The following HPS4 variants were observed in gnomAD, a reference collection of about 807,000 sequenced individuals.
HPS4 encodes HPS4 biogenesis of lysosomal organelles complex 3 subunit 2.
HPS4 carries 44 observed loss-of-function variants against 70.3 expected under a neutral mutation model. The ratio of observed to expected loss-of-function variants is 0.63; its 90% CI spans 0.49 to 0.80. The LOEUF (loss-of-function observed/expected upper bound fraction) is 0.80. HPS4 is among the 30% of genes least tolerant of loss of function. HPS4 has a pLI of 0.00. For missense variants in HPS4, 873 were observed against 884.4 expected (o/e 0.99, Z 0.16); for synonymous variants, 377 against 355.9 (o/e 1.06, Z -0.67).
chr22:26,455,651 G>A (rs192418020), intron 13 of HPS4, among the ~76,000 whole-genome samples: 22 of 150,952 alleles, frequency 1.5e-4, no homozygotes, highest in Admixed American at 1.3e-3. Flanking sequence ...GTTAATGGGT[G>A]CAGCACACCA....
intron 3 of HPS4, among the ~76,000 whole-genome samples, chr22:26,478,729 G>A (rs2090931344): frequency 6.7e-6 from 1 of 148,204 alleles, no homozygotes. Context: ...TTATTGCCCA[G>A]GCTGGTGTGC....
chr22:26,443,269 C>T (rs1003813894), downstream of HPS4: 82 of 1,362,776 alleles, frequency 6.0e-5, no homozygotes, highest in African/African-American at 2.1e-4. Flanking sequence ...GACTGTGGTC[C>T]GGTCCAGTCC....
At chr22:26,466,349 C>A in intron 8 of HPS4, 87 bp from the exon 9 acceptor site, 1 of 1,475,392 alleles carries the variant, frequency 6.8e-7, no homozygotes, top group South Asian at 1.2e-5. Context: ...GCCATCTGTT[C>A]ATAAAACTTA....
downstream of HPS4, among the ~76,000 whole-genome samples, chr22:26,448,177 C>T (rs1243791504): frequency 6.6e-6 from 1 of 152,228 alleles, no homozygotes; most frequent in African/African-American, 2.4e-5. Context: ...CTCCGGCCCC[C>T]AGGTCCTTCT....
intron 1 of HPS4, chr22:26,482,716 T>C (rs2091413452): frequency 6.6e-6 from 1 of 152,134 alleles, no homozygotes; most frequent in African/African-American, 2.4e-5. Context: ...TCGTTTACTC[T>C]ACTCTCCTGC....
intron 3 of HPS4, among the ~76,000 whole-genome samples, chr22:26,477,907 G>T (rs1056626107): frequency 1.3e-5 from 2 of 152,178 alleles, no homozygotes; most frequent in East Asian, 3.8e-4. Flanking sequence ...GAGTGGCTGG[G>T]TGAGGACTGT....
chr22:26,469,283 CAAAA>C (rs5844704), intron 7 of HPS4, among the ~76,000 whole-genome samples: 2 of 105,464 alleles, frequency 1.9e-5, no homozygotes, highest in African/African-American at 3.9e-5. Flanking sequence ...CCCATCTCTA[CAAAA>C]AAAAAAAAAA....
chr22:26,467,926 G>C (rs979334685), intron 8 of HPS4: 9 of 151,942 alleles, frequency 5.9e-5, no homozygotes, highest in African/African-American at 1.2e-4. Flanking sequence ...TTTTGAGACA[G>C]AGTCTCACTC....
At chr22:26,470,879 G>C in intron 6 of HPS4, 66 bp from the exon 7 acceptor site, 4 of 1,600,162 alleles carry the variant, frequency 2.5e-6, no homozygotes, top group Non-Finnish European at 2.6e-6. Context: ...GGAGAAAAGG[G>C]GAAAGGGTTG....
At chr22:26,467,319 G>A (rs2088846270) in intron 8 of HPS4, 1 of 152,292 alleles carries the variant, frequency 6.6e-6, no homozygotes, top group African/African-American at 2.4e-5. Flanking sequence ...CACCTACTTG[G>A]TTCTGCTATT....
rs189699902 is a variant in HPS4, at chr22:26,459,005, C to T, written c.1714-428G>A. ...AACAAGAAAACAACCCATCATTTCA[C>T]CATCCAGTAATAGCCACTGTCACCA... On this transcript the variant is annotated intron_variant, in intron 11 of 13. Transcript: ENST00000398145. Among the ~76,000 whole-genome samples the T allele has an allele frequency of 1.2e-4, 18 of 152,288 alleles. No homozygotes were observed. The East Asian group carries it at 3.3e-3, about 28-fold the overall frequency.
intron 12 of HPS4, 83 bp downstream of exon 12, chr22:26,458,362 A>G: frequency 6.5e-7 from 1 of 1,543,562 alleles, no homozygotes; most frequent in South Asian, 1.1e-5. Flanking sequence ...CCGTGTCATC[A>G]TGATGCTGGG....
intron 9 of HPS4, 187 bp from the exon 10 acceptor site, chr22:26,465,738 A>G: frequency 1.6e-6 from 1 of 611,364 alleles, no homozygotes; most frequent in Non-Finnish European, 2.9e-6. Flanking sequence ...GTAAGGAAAG[A>G]GTCCCTGCAG....
At chr22:26,468,400 T>G in intron 8 of HPS4, 151 bp downstream of exon 8, 2 of 719,576 alleles carry the variant, frequency 2.8e-6, no homozygotes, top group Non-Finnish European at 5.1e-6. Context: ...GCTTCACTAC[T>G]GAGGAGAATG....
chr22:26,444,667 G>A (rs554773728), exon 4 of HPS4: 3 of 152,332 alleles, frequency 2.0e-5, no homozygotes, highest in African/African-American at 7.2e-5. Flanking sequence ...AGATCCAAAT[G>A]GAAAACAGCA....
intron 13 of HPS4, among the ~76,000 whole-genome samples, chr22:26,455,740 AATT>A (rs2086001380): frequency 1.3e-5 from 2 of 151,086 alleles, no homozygotes; most frequent in Non-Finnish European, 2.9e-5. Context: ...ATAATAATAA[AATT>A]AAAAAAAAAA....
At chr22:26,463,842 G>A (rs2087843529) in intron 11 of HPS4, 75 bp downstream of exon 11, 4 of 1,471,852 alleles carry the variant, frequency 2.7e-6, no homozygotes, top group Non-Finnish European at 3.8e-6. Flanking sequence ...CTGGGTGTTG[G>A]CACAGTGCTG....
intron 12 of HPS4, 41 bp downstream of exon 12, chr22:26,458,404 C>G (rs1449760532): frequency 1.2e-6 from 2 of 1,613,004 alleles, no homozygotes; most frequent in Non-Finnish European, 1.7e-6. Flanking sequence ...CATCTAGAAT[C>G]TGGCATCCCC....
At chr22:26,458,083 T>C (rs1469265418) in intron 12 of HPS4, 116 bp from the exon 13 acceptor site, 1 of 914,406 alleles carries the variant, frequency 1.1e-6, no homozygotes, top group Non-Finnish European at 1.7e-6. Flanking sequence ...ATGAGTTGGC[T>C]GCCCGGGGCA....
Sources: gnomAD v4.1 joint callset for allele counts (sites outside exome capture counted in the v4.1 genomes callset) on GRCh38, gnomAD v4.1.1 for gene constraint, MANE v1.5 for transcripts, NCBI Gene and HGNC (gene_info 2026-07-23, HGNC 2026-07-21) for gene names.